The following COL26A1 variants were observed in gnomAD, a reference collection of about 807,000 sequenced individuals.
The protein encoded by COL26A1 is collagen type XXVI alpha 1 chain.
A neutral mutation model predicts 59.3 loss-of-function variants in COL26A1; 41 were observed. The observed-to-expected ratio is 0.69, with a 90% CI of 0.54 to 0.90. The LOEUF (loss-of-function observed/expected upper bound fraction) is 0.90, where lower values mean the gene tolerates loss of function less well. COL26A1 is among the 40% of genes least tolerant of loss of function. COL26A1 has a pLI of 0.00. For synonymous variants in COL26A1, 266 were observed against 256.0 expected (o/e 1.04, Z -0.37); for missense variants, 612 against 602.3 (o/e 1.02, Z -0.17).
intron 2 of COL26A1, among the ~76,000 whole-genome samples, chr7:101,435,847 G>C (rs1792901723): frequency 6.6e-6 from 1 of 152,186 alleles, no homozygotes; most frequent in Non-Finnish European, 1.5e-5. Context: ...GGATTTGCCG[G>C]AACTCTCCGG....
chr7:101,446,984 G>T (rs532343230), intron 2 of COL26A1, among the ~76,000 whole-genome samples: 12 of 152,218 alleles, frequency 7.9e-5, no homozygotes, highest in Middle Eastern at 3.4e-3. Context: ...AATTTGGTGG[G>T]TAGAGGCTCG....
intron 1 of COL26A1, among the ~76,000 whole-genome samples, chr7:101,374,108 C>G (rs1478630657): frequency 6.6e-6 from 1 of 152,230 alleles, no homozygotes; most frequent in East Asian, 1.9e-4. Context: ...GAAACATACA[C>G]ATGCCGTGCT....
chr7:101,436,787 C>T (rs147818522), intron 2 of COL26A1, among the ~76,000 whole-genome samples: 3 of 151,954 alleles, frequency 2.0e-5, no homozygotes, highest in African/African-American at 7.2e-5. Flanking sequence ...ACAATCTCTG[C>T]TCACTGCAAC....
chr7:101,535,929 G>T (rs1795472550), intron 4 of COL26A1, among the ~76,000 whole-genome samples: 1 of 152,188 alleles, frequency 6.6e-6, no homozygotes, highest in African/African-American at 2.4e-5. Context: ...CTAAGTAGGG[G>T]CTGGGAGACT....
chr7:101,406,145 G>T (rs1032968965), intron 1 of COL26A1, among the ~76,000 whole-genome samples: 6 of 152,184 alleles, frequency 3.9e-5, no homozygotes, highest in African/African-American at 1.4e-4. Context: ...AAAAAGATTT[G>T]GTCAGTCGCC....
intron 1 of COL26A1, among the ~76,000 whole-genome samples, chr7:101,415,990 G>A (rs752292807): frequency 1.5e-5 from 2 of 135,382 alleles, no homozygotes; most frequent in Non-Finnish European, 3.4e-5. Flanking sequence ...CTAGAAAATT[G>A]TCCAGTAGTC....
intron 3 of COL26A1, among the ~76,000 whole-genome samples, chr7:101,455,156 C>T (rs911963744): frequency 6.6e-6 from 1 of 151,486 alleles, no homozygotes; most frequent in Non-Finnish European, 1.5e-5. Context: ...GATCCTCCCA[C>T]CTCAGCCTCC....
At chr7:101,400,295 A>G (rs980672259) in intron 1 of COL26A1, among the ~76,000 whole-genome samples, 1 of 150,190 alleles carries the variant, frequency 6.7e-6, no homozygotes, top group Non-Finnish European at 1.5e-5. Context: ...GGGCTCGGTC[A>G]TGGAGTGGGC....
chr7:101,513,173 AT>A (rs1453867542), intron 3 of COL26A1, among the ~76,000 whole-genome samples: 1 of 150,990 alleles, frequency 6.6e-6, no homozygotes, highest in Non-Finnish European at 1.5e-5. Context: ...CACCCGGCTA[AT>A]TTTTTTGTAT....
At position 101,439,356 on chromosome 7, in the gene COL26A1, C is replaced by G. The variant is rs149570299; in HGVS notation, c.282-8328C>G. Reference sequence around the variant, plus strand: ...GAGAGAGAGACAAGAAAGACCAGCCCCTCAGAGGGCAATAGGGTGAAACCC... The same window carrying G: ...GAGAGAGAGACAAGAAAGACCAGCCGCTCAGAGGGCAATAGGGTGAAACCC... On this transcript the variant is annotated intron_variant, in intron 2 of 12. Transcript: ENST00000313669. 6.3e-3 allele frequency among the ~76,000 whole-genome samples: 952 copies of G among 151,924 alleles called. 6 individuals carry two copies. The highest frequency in any genetic ancestry group is 0.01 in the Non-Finnish European group (708 of 67,950).
intron 1 of COL26A1, among the ~76,000 whole-genome samples, chr7:101,390,329 T>C (rs930165324): frequency 2.6e-5 from 4 of 152,112 alleles, no homozygotes; most frequent in Non-Finnish European, 5.9e-5. Context: ...GGTTTCACCG[T>C]GTTGGCCAGG....
chr7:101,454,624 TTTG>T (rs1793426916), intron 3 of COL26A1, among the ~76,000 whole-genome samples: 1 of 151,950 alleles, frequency 6.6e-6, no homozygotes, highest in South Asian at 2.1e-4. Context: ...TTGGGGGTGG[TTTG>T]TTGTTTAGAA....
chr7:101,407,779 C>T (rs116205361), intron 1 of COL26A1, among the ~76,000 whole-genome samples: 29 of 152,164 alleles, frequency 1.9e-4, no homozygotes, highest in African/African-American at 6.7e-4. Context: ...GAAGTTACAG[C>T]CCCTTTCCAT....
In COL26A1 at chr7:101,420,053, G is replaced by A. The variant is rs747060134; in HGVS notation, c.235G>A (p.Val79Met). Residue 79 changes from valine to methionine, a missense_variant, in exon 2 of 13, where the codon GTG becomes ATG. By Grantham distance (21) the Val-to-Met change is conservative (BLOSUM62 1). Transcript: ENST00000313669. ...TGGCTCGGAGACGGTGGTCCAGCGC[G>A]TGTACCAGAGCTGCCGGTGGCCGGG... The part of the protein sequence containing the change: ...QNGSETVVQR[V>M]YQSCRWPGPC... The A allele has an allele frequency of 3.3e-5, 53 of 1,612,958 alleles. No homozygotes were observed. The highest frequency in any genetic ancestry group is 4.0e-5 in the Non-Finnish European group (47 of 1,179,806).
chr7:101,390,906 C>G (rs964865716), intron 1 of COL26A1, among the ~76,000 whole-genome samples: 1 of 152,188 alleles, frequency 6.6e-6, no homozygotes, highest in Admixed American at 6.6e-5. Flanking sequence ...GTGGGCCTCC[C>G]GGGGACCTCA....
chr7:101,408,489 G>A (rs145158120), intron 1 of COL26A1, among the ~76,000 whole-genome samples: 336 of 152,328 alleles, frequency 2.2e-3, no homozygotes, highest in African/African-American at 7.7e-3. Flanking sequence ...TGTAGCTGGG[G>A]CTAAAAGCCT....
At chr7:101,461,307 TC>T (rs1376592344) in intron 3 of COL26A1, among the ~76,000 whole-genome samples, 1,648 of 90,830 alleles carry the variant, frequency 0.018, 32 homozygotes, top group African/African-American at 0.1. Context: ...TCCTCCTCCT[TC>T]TTTTTTTTTG....
intron 1 of COL26A1, among the ~76,000 whole-genome samples, chr7:101,398,775 GA>G (rs1791923162): frequency 6.6e-6 from 1 of 152,266 alleles, no homozygotes; most frequent in East Asian, 1.9e-4. Context: ...CGCTGCAGAG[GA>G]GGGGGTCGAC....
At position 101,371,422 on chromosome 7, in the gene COL26A1, G is replaced by A. The variant is rs371588952; in HGVS notation, c.158+8232G>A. Among the ~76,000 whole-genome samples the A allele has an allele frequency of 3.7e-3, 559 of 152,180 alleles. 2 individuals are homozygous for A. Among genetic ancestry groups the A allele is most frequent in the African/African-American group, 0.013 (532 of 41,510 alleles). ...CCAGCACTTTGGGAGACCGAGGTGGGAGGATCACTTGAGCCCAGGAGTTTG... is the reference window on the plus strand; with the variant it reads ...CCAGCACTTTGGGAGACCGAGGTGGAAGGATCACTTGAGCCCAGGAGTTTG... On this transcript the variant is annotated intron_variant, in intron 1 of 12. Transcript: ENST00000313669.
Sources: allele counts gnomAD v4.1 joint callset (sites outside exome capture counted in the v4.1 genomes callset), GRCh38; gene constraint gnomAD v4.1.1; transcripts MANE v1.5; gene names NCBI Gene and HGNC (gene_info 2026-07-23, HGNC 2026-07-21).